NPTN: variants seen among roughly 807,000 people sequenced by gnomAD.
NPTN encodes the protein neuroplastin.
NPTN carries 5 observed loss-of-function variants against 42.7 expected under a neutral mutation model. The ratio of observed to expected loss-of-function variants is 0.12; its 90% CI spans 0.06 to 0.25. The LOEUF (loss-of-function observed/expected upper bound fraction) is 0.25. Among genes scored for constraint, NPTN ranks in the 10% least tolerant of loss-of-function variants. The pLI, the probability that NPTN is intolerant of heterozygous loss-of-function variation, is 1.00. For missense variants in NPTN, 307 were observed against 525.4 expected (o/e 0.58, Z 4.06); for synonymous variants, 180 against 201.9 (o/e 0.89, Z 0.92).
intron 5 of NPTN, among the ~76,000 whole-genome samples, chr15:73,571,005 G>A (rs140070167): frequency 5.9e-4 from 90 of 152,340 alleles, no homozygotes; most frequent in African/African-American, 2.1e-3. Flanking sequence ...TTGTGGCTGG[G>A]CACAGAGGCT....
intron 4 of NPTN, among the ~76,000 whole-genome samples, chr15:73,585,356 G>A (rs1314421399): frequency 5.3e-5 from 8 of 151,982 alleles, no homozygotes; most frequent in Admixed American, 1.3e-4. Flanking sequence ...TCCCCACCCC[G>A]GAGACACTAA....
At chr15:73,623,529 A>G (rs976620309) in intron 1 of NPTN, among the ~76,000 whole-genome samples, 1 of 152,170 alleles carries the variant, frequency 6.6e-6, no homozygotes, top group African/African-American at 2.4e-5. Flanking sequence ...TCCACAAAAA[A>G]TTCAAAAATT....
intron 4 of NPTN, among the ~76,000 whole-genome samples, chr15:73,583,111 A>AC (rs1896136951): frequency 6.6e-6 from 1 of 152,230 alleles, no homozygotes; most frequent in Admixed American, 6.5e-5. Context: ...GACCGTCAAG[A>AC]GCCACACAGA....
At chr15:73,588,952 T>C (rs1340282712) in intron 3 of NPTN, among the ~76,000 whole-genome samples, 1 of 152,202 alleles carries the variant, frequency 6.6e-6, no homozygotes, top group Non-Finnish European at 1.5e-5. Context: ...AATAAATGAA[T>C]GAATTACTGA....
At chr15:73,563,545 T>C in intron 6 of NPTN, 1 of 1,222,662 alleles carries the variant, frequency 8.2e-7, no homozygotes, top group Non-Finnish European at 1.0e-6. Flanking sequence ...GCTGCAACAT[T>C]GTTATACTCA....
rs1017420385 is a variant in NPTN, at chr15:73,571,000, G to T, written c.841-577C>A. Among the ~76,000 whole-genome samples the T allele has an allele frequency of 6.6e-5, 10 of 152,340 alleles. No homozygotes were observed. Among genetic ancestry groups the T allele is most frequent in the African/African-American group, 2.4e-4 (10 of 41,568 alleles). On this transcript the variant is annotated intron_variant, in intron 5 of 8. Transcript: ENST00000345330. This position sits in a 1 kb window ranked among gnomAD's most constrained non-coding sequence, Gnocchi z 4.0. ...TTCAATCAATCAACAAATATTTGTG[G>T]CTGGGCACAGAGGCTCATGCCTGTA... is the stretch of plus-strand genomic sequence containing the variant.
chr15:73,571,835 G>A (rs554653570), intron 5 of NPTN, among the ~76,000 whole-genome samples: 1 of 152,324 alleles, frequency 6.6e-6, no homozygotes. Flanking sequence ...GCATTTGAGT[G>A]CAGGTACATC....
In NPTN at chr15:73,570,449, G is replaced by C. The variant is rs1182728751; in HGVS notation, c.841-26C>G. 1 of 1,599,006 alleles carries C rather than the reference G, an allele frequency of 6.3e-7. No individual in the cohort carries two copies. The highest frequency in any genetic ancestry group is 8.5e-7 in the Non-Finnish European group (1 of 1,170,788). ...CTGCAAAAAAGTGAGAATACACAAA[G>C]GTGAGAGTGAGTAACTGAGCTAATG... On this transcript the variant is annotated intron_variant, in intron 5 of 8. Coordinates refer to ENST00000345330, the MANE Select transcript of NPTN (RefSeq NM_012428.4). This position sits in a 1 kb window ranked among gnomAD's most constrained non-coding sequence, Gnocchi z 4.0.
At chr15:73,615,523 C>T (rs1897823046) in intron 1 of NPTN, among the ~76,000 whole-genome samples, 1 of 152,164 alleles carries the variant, frequency 6.6e-6, no homozygotes. Flanking sequence ...AATGCTTTTA[C>T]TATAAACAAT....
Position 73,569,457 on chromosome 15 carries a change from C to T in NPTN, c.1114+693G>A, listed in dbSNP as rs1189140540. ...CTAGGCCAGCTTGAGGGCACAGCCT[C>T]GGGGCATGGACTCCATTTGTTCCGC... On this transcript the variant is annotated intron_variant, in intron 6 of 8. Transcript: ENST00000345330. This position sits in a 1 kb window ranked among gnomAD's most constrained non-coding sequence, Gnocchi z 4.1. 1.6e-5 allele frequency: 16 copies of T among 985,306 alleles called. No homozygotes were observed. The highest frequency in any genetic ancestry group is 1.1e-4 in the East Asian group (1 of 8,826). 61.0% of individuals were successfully genotyped at this position (985,306 alleles called of 1,614,324 possible).
At chr15:73,629,158 C>T (rs1279746625) in intron 1 of NPTN, among the ~76,000 whole-genome samples, 1 of 152,148 alleles carries the variant, frequency 6.6e-6, no homozygotes, top group African/African-American at 2.4e-5. Flanking sequence ...CCTCCCAGAC[C>T]GAACCAATTT....
At chr15:73,614,490 TTGA>T (rs1288176420) in intron 1 of NPTN, among the ~76,000 whole-genome samples, 1 of 152,198 alleles carries the variant, frequency 6.6e-6, no homozygotes, top group Non-Finnish European at 1.5e-5. Flanking sequence ...GTAGATGTAA[TTGA>T]TGAATTAATT....
chr15:73,588,795 CAT>C (rs1177550239), intron 3 of NPTN, among the ~76,000 whole-genome samples: 2 of 152,312 alleles, frequency 1.3e-5, no homozygotes, highest in African/African-American at 2.4e-5. Flanking sequence ...CAATACTTAT[CAT>C]GTGTGTGATT....
At chr15:73,574,433 CTGAT>C (rs1265197011) in intron 4 of NPTN, among the ~76,000 whole-genome samples, 1 of 152,016 alleles carries the variant, frequency 6.6e-6, no homozygotes, top group African/African-American at 2.4e-5. Context: ...AATTGAATGA[CTGAT>C]TGAGATGGGG....
At chr15:73,577,784 C>T (rs1895774825) in intron 4 of NPTN, among the ~76,000 whole-genome samples, 4 of 152,094 alleles carry the variant, frequency 2.6e-5, no homozygotes, top group Admixed American at 2.6e-4. Context: ...ATCCTGTGAC[C>T]CCCACCCAGG....
At chr15:73,615,179 T>C (rs1042857042) in intron 1 of NPTN, among the ~76,000 whole-genome samples, 2 of 149,786 alleles carry the variant, frequency 1.3e-5, no homozygotes, top group African/African-American at 4.9e-5. Flanking sequence ...TTTTTAAAGA[T>C]AATCTTGAAG....
intron 5 of NPTN, among the ~76,000 whole-genome samples, chr15:73,572,279 G>A (rs751975651): frequency 6.6e-6 from 1 of 152,144 alleles, no homozygotes; most frequent in South Asian, 2.1e-4. Flanking sequence ...GATCTTTAAG[G>A]TCCTTTTGGA....
At chr15:73,566,476 C>T (rs911809461) in intron 6 of NPTN, among the ~76,000 whole-genome samples, 5 of 152,206 alleles carry the variant, frequency 3.3e-5, no homozygotes, top group African/African-American at 1.2e-4. Flanking sequence ...GGTACCAGCA[C>T]TTCTTTTCTT....
intron 4 of NPTN, among the ~76,000 whole-genome samples, chr15:73,576,457 T>A (rs1354357760): frequency 1.3e-5 from 2 of 152,174 alleles, no homozygotes; most frequent in Non-Finnish European, 2.9e-5. Flanking sequence ...GCCTCCCAAG[T>A]AGCTAGGATT....
Sources: gnomAD v4.1 joint callset for allele counts (sites outside exome capture counted in the v4.1 genomes callset) on GRCh38, gnomAD v4.1.1 for gene constraint, Gnocchi (gnomAD v3.1) non-coding constraint, MANE v1.5 for transcripts, NCBI Gene and HGNC (gene_info 2026-07-23, HGNC 2026-07-21) for gene names.